DIAPH2: variants seen among roughly 807,000 people sequenced by gnomAD.
DIAPH2 encodes the protein diaphanous related formin 2, also known as protein diaphanous homolog 2.
A neutral mutation model predicts 92.7 loss-of-function variants in DIAPH2; 35 were observed. The observed-to-expected ratio is 0.38, with a 90% CI of 0.29 to 0.50. The LOEUF (loss-of-function observed/expected upper bound fraction) is 0.50, where lower values mean the gene tolerates loss of function less well. DIAPH2 is among the 20% of genes least tolerant of loss of function. The pLI, the probability that DIAPH2 is intolerant of heterozygous loss-of-function variation, is 0.94. For synonymous variants in DIAPH2, 301 were observed against 280.4 expected (o/e 1.07, Z -0.73); for missense variants, 701 against 819.5 (o/e 0.86, Z 1.77).
chrX:97,568,996 G>A (rs925141293), intron 26 of DIAPH2, among the ~76,000 whole-genome samples: 3 of 111,749 alleles, frequency 2.7e-5, no homozygotes, highest in Non-Finnish European at 5.7e-5. Flanking sequence ...AAATTCCAGA[G>A]AATAATTGGA....
rs769953476 is a variant in DIAPH2 at position 96,836,948 on chromosome X, C to T, written c.448-44631C>T. Reference sequence around the variant, plus strand: ...TTCACCGTGTTAGCCAGGATGGTCTCGATCTCCTGACCTCGTGATCCGCCC... The same window carrying T: ...TTCACCGTGTTAGCCAGGATGGTCTTGATCTCCTGACCTCGTGATCCGCCC... On this transcript the variant is annotated intron_variant, in intron 4 of 26. Coordinates refer to ENST00000324765, the MANE Select transcript of DIAPH2 (RefSeq NM_006729.5). Among the ~76,000 whole-genome samples the T allele has an allele frequency of 1.8e-3, 186 of 103,229 alleles. 1 individual carries two copies. The highest frequency in any genetic ancestry group is 6.4e-3 in the African/African-American group (179 of 28,154). 89.6% of individuals were successfully genotyped at this position (103,229 alleles called of 115,157 possible).
chrX:96,833,740 A>C (rs186815762), intron 4 of DIAPH2, among the ~76,000 whole-genome samples: 19 of 110,618 alleles, frequency 1.7e-4, no homozygotes, highest in Middle Eastern at 4.6e-3. Flanking sequence ...GGCTCACGGT[A>C]ACCTCTGCCT....
intron 4 of DIAPH2, among the ~76,000 whole-genome samples, chrX:96,758,781 G>A (rs1423264888): frequency 1.8e-5 from 2 of 111,380 alleles, no homozygotes; most frequent in East Asian, 5.6e-4. Context: ...TTAATGTAAA[G>A]GATGTCACCT....
At chrX:97,265,476 G>A in intron 23 of DIAPH2, among the ~76,000 whole-genome samples, 1 of 111,770 alleles carries the variant, frequency 8.9e-6, no homozygotes, top group South Asian at 3.8e-4. Flanking sequence ...GCTATGGAAG[G>A]AAATAAAACC....
intron 19 of DIAPH2, among the ~76,000 whole-genome samples, chrX:97,075,858 TCACAAAG>T (rs1183813296): frequency 1.8e-5 from 2 of 112,241 alleles, no homozygotes; most frequent in Non-Finnish European, 3.8e-5. Flanking sequence ...TTGCCCAATT[TCACAAAG>T]CTTGTAAGTG....
intron 4 of DIAPH2, among the ~76,000 whole-genome samples, chrX:96,805,206 TATACACACACACAC>T (rs2064614020): frequency 3.0e-5 from 1 of 33,258 alleles, no homozygotes; most frequent in Non-Finnish European, 5.1e-5. Context: ...CATATATATT[TATACACACACACAC>T]ATACACACAC....
chrX:96,748,206 A>G (rs1280545426), intron 3 of DIAPH2, among the ~76,000 whole-genome samples: 1 of 112,055 alleles, frequency 8.9e-6, no homozygotes, highest in Non-Finnish European at 1.9e-5. Context: ...GAAGGATTCT[A>G]CTAGTATTTA....
intron 22 of DIAPH2, among the ~76,000 whole-genome samples, chrX:97,223,417 G>T (rs1028961346): frequency 9.1e-6 from 1 of 110,362 alleles, no homozygotes; most frequent in African/African-American, 3.3e-5. Context: ...ATGGTTTTTT[G>T]ACTGTTTTTA....
chrX:96,704,648 G>A (rs1019957323), intron 1 of DIAPH2, among the ~76,000 whole-genome samples: 2 of 111,731 alleles, frequency 1.8e-5, no homozygotes, highest in African/African-American at 6.5e-5. Context: ...GCTTAGTAGT[G>A]TGGAGCACAT....
chrX:97,013,134 T>C (rs926427453), intron 17 of DIAPH2, among the ~76,000 whole-genome samples: 1 of 112,144 alleles, frequency 8.9e-6, no homozygotes, highest in Non-Finnish European at 1.9e-5. Context: ...ATTCAGTAAT[T>C]AGGATTTCTT....
At chrX:96,818,012 C>T (rs1231616538) in intron 4 of DIAPH2, among the ~76,000 whole-genome samples, 2 of 69,161 alleles carry the variant, frequency 2.9e-5, no homozygotes, top group African/African-American at 5.9e-5. Flanking sequence ...GACGGAGTCT[C>T]GCTCTGTCGC....
intron 4 of DIAPH2, among the ~76,000 whole-genome samples, chrX:96,850,256 T>C (rs986932937): frequency 8.9e-6 from 1 of 111,918 alleles, no homozygotes; most frequent in Non-Finnish European, 1.9e-5. Flanking sequence ...ATATTTAGTA[T>C]AGATACAATC....
At chrX:97,382,901 A>G (rs1409217757) in intron 24 of DIAPH2, among the ~76,000 whole-genome samples, 1 of 112,370 alleles carries the variant, frequency 8.9e-6, no homozygotes, top group Non-Finnish European at 1.9e-5. Context: ...CTTTTTCTTT[A>G]GGGTTTCTGG....
intron 25 of DIAPH2, among the ~76,000 whole-genome samples, chrX:97,417,266 C>T (rs1426079630): frequency 9.1e-6 from 1 of 110,308 alleles, no homozygotes; most frequent in Non-Finnish European, 1.9e-5. Flanking sequence ...TATATAATAT[C>T]ATCATATAAA....
Position 96,828,050 on chromosome X carries a change from G to A in DIAPH2, c.448-53529G>A, listed in dbSNP as rs191517293. Among the ~76,000 whole-genome samples, 1,028 of 111,993 alleles carry A rather than the reference G, an allele frequency of 9.2e-3. 11 individuals carry two copies. Among genetic ancestry groups the A allele is most frequent in the African/African-American group, 0.031 (964 of 30,793 alleles). ...CTCCTAAAGTGCCGGGATTACAGGC[G>A]TGAGCCACCGCGCCCAGCCTCAAGT... On this transcript the variant is annotated intron_variant, in intron 4 of 26. Coordinates refer to ENST00000324765, the MANE Select transcript of DIAPH2 (RefSeq NM_006729.5).
chrX:96,868,162 T>C (rs1233582100), intron 4 of DIAPH2, among the ~76,000 whole-genome samples: 1 of 112,020 alleles, frequency 8.9e-6, no homozygotes, highest in Non-Finnish European at 1.9e-5. Flanking sequence ...TGCTGCGATG[T>C]CATTTGGTCT....
rs2068164995 is a variant in DIAPH2, at chrX:97,249,024, GGATACC to G, written c.2844+1186_2844+1191del. ...TTGGGTTGCATTACTGGCCACGTTA[GGATACC>G]TAATGTGAAGGTTTCACTTTATTGC... On this transcript the variant is annotated intron_variant, in intron 23 of 26. Transcript: ENST00000324765. 8.2e-5 allele frequency among the ~76,000 whole-genome samples: 9 copies of G among 110,091 alleles called. No homozygotes were observed. In the South Asian group the frequency reaches 3.5e-3, roughly 43 times the overall value.
chrX:97,221,841 C>G (rs917930370), intron 22 of DIAPH2, among the ~76,000 whole-genome samples: 11 of 109,215 alleles, frequency 1.0e-4, no homozygotes, highest in Non-Finnish European at 2.1e-4. Flanking sequence ...AATGATTTTG[C>G]TCCTTCTTTT....
chrX:96,705,858 C>G (rs969103773), intron 1 of DIAPH2, among the ~76,000 whole-genome samples: 2 of 111,408 alleles, frequency 1.8e-5, no homozygotes, highest in African/African-American at 6.5e-5. Context: ...GAAACAGAAT[C>G]CTTTGAGTGC....
Sources: gnomAD v4.1 joint callset for allele counts (sites outside exome capture counted in the v4.1 genomes callset) on GRCh38, gnomAD v4.1.1 for gene constraint, MANE v1.5 for transcripts, NCBI Gene and HGNC (gene_info 2026-07-23, HGNC 2026-07-21) for gene names.